MMRN1: variants seen among roughly 807,000 people sequenced by gnomAD.
The protein encoded by MMRN1 is multimerin 1.
MMRN1 carries 94 observed loss-of-function variants against 100.7 expected under a neutral mutation model. That is an observed-to-expected ratio of 0.93 (90% confidence interval 0.79 to 1.11). MMRN1 has a LOEUF of 1.11. Ranked by LOEUF, MMRN1 falls within the 50% of genes least tolerant of loss-of-function variation. The probability of loss-of-function intolerance (pLI) is 0.00; values close to 1 mark genes in which losing one functional copy is unlikely to be tolerated. For missense variants in MMRN1, 1,606 were observed against 1,439.1 expected, an observed-to-expected ratio of 1.12 and a Z score of -1.88; for synonymous variants, 575 against 505.0, an observed-to-expected ratio of 1.14 and a Z score of -1.86.
At chr4:89,931,851 T>C (rs1722449901) in intron 5 of MMRN1, among the ~76,000 whole-genome samples, 2 of 152,106 alleles carry the variant, frequency 1.3e-5, no homozygotes, top group African/African-American at 4.8e-5. Flanking sequence ...CAATTCAAAA[T>C]GAGATTTGGG....
upstream of MMRN1, among the ~76,000 whole-genome samples, chr4:89,893,746 A>G (rs1721106804): frequency 6.6e-6 from 1 of 152,102 alleles, no homozygotes; most frequent in Non-Finnish European, 1.5e-5. Context: ...AGTGCTTTGC[A>G]CAGAATGAGG....
rs1019225910 is a variant in MMRN1, at chr4:89,953,508, T to C, written c.*90T>C. 6.7e-6 allele frequency: 8 copies of C among 1,198,814 alleles called. No individual in the cohort carries two copies. Among genetic ancestry groups the C allele is most frequent in the Non-Finnish European group, 9.1e-6 (8 of 882,500 alleles). 74.3% of individuals were successfully genotyped at this position (1,198,814 alleles called of 1,614,324 possible). A position where few individuals can be genotyped will look rare whatever the true frequency, so the allele number is the denominator to read the frequency against. On this transcript the variant is annotated 3_prime_UTR_variant, in exon 8 of 8. Transcript: ENST00000264790. ...TTGCACATCTGCTCTGTTTTGGTTTTTCTACAGGAAATGAAAATCAACTTG... is the reference window on the plus strand; with the variant it reads ...TTGCACATCTGCTCTGTTTTGGTTTCTCTACAGGAAATGAAAATCAACTTG...
intron 2 of MMRN1, among the ~76,000 whole-genome samples, chr4:89,911,211 C>T (rs1025647778): frequency 6.6e-6 from 1 of 151,394 alleles, no homozygotes; most frequent in Admixed American, 6.6e-5. Context: ...CCAAATTGTA[C>T]TTATGACTTA....
Position 89,953,448 on chromosome 4 carries a change from A to T in MMRN1, c.*30A>T. ...GTATGAAAAACAGACTATCACCTTT[A>T]TTGAGAAACAGCCAGTGTTTTCATT... On this transcript the variant is annotated 3_prime_UTR_variant, in exon 8 of 8. Transcript: ENST00000264790. 1 of 1,529,756 alleles carries T rather than the reference A, an allele frequency of 6.5e-7. No individual in the cohort carries two copies. Among genetic ancestry groups the T allele is most frequent in the South Asian group, 1.3e-5 (1 of 76,236 alleles). The allele number at this position is 1,529,756 out of a possible 1,614,324, so 94.8% of individuals were successfully genotyped here.
intron 1 of MMRN1, among the ~76,000 whole-genome samples, chr4:89,886,529 G>A (rs1720940322): frequency 6.6e-6 from 1 of 151,992 alleles, no homozygotes; most frequent in Non-Finnish European, 1.5e-5. Flanking sequence ...GTTGTTGGAT[G>A]TTCTATGAAT....
At chr4:89,886,937 G>C (rs938301326) in intron 1 of MMRN1, among the ~76,000 whole-genome samples, 2 of 151,990 alleles carry the variant, frequency 1.3e-5, no homozygotes, top group African/African-American at 4.8e-5. Flanking sequence ...TTGTGCTACT[G>C]AACCTTATAT....
chr4:89,942,984 G>C lies in MMRN1; in HGVS notation c.3118+6186G>C, dbSNP rs578173554. Among the ~76,000 whole-genome samples the C allele has an allele frequency of 2.7e-3, 407 of 152,242 alleles. 3 individuals are homozygous for C. The highest frequency in any genetic ancestry group is 9.5e-3 in the African/African-American group (393 of 41,552). On this transcript the variant is annotated intron_variant, in intron 6 of 7. Coordinates refer to ENST00000264790, the MANE Select transcript of MMRN1 (RefSeq NM_007351.3). ...TTGCGTGGAAATTTAGATTTGAGAG[G>C]TATTGGCATGAAAATGGTGTTTGGA... is the stretch of plus-strand genomic sequence containing the variant.
chr4:89,936,306 T>C lies in MMRN1; in HGVS notation c.2626T>C (p.Tyr876His). The C allele has an allele frequency of 6.2e-7, 1 of 1,612,650 alleles. No homozygotes were observed. Among genetic ancestry groups the C allele is most frequent in the Non-Finnish European group, 8.5e-7 (1 of 1,179,490 alleles). Reference sequence around the variant, plus strand: ...TAAAGTTACCCAGACGCTCATACCTTATTATATTTCAGTTAAAAAAGGCAG... The same window carrying C: ...TAAAGTTACCCAGACGCTCATACCTCATTATATTTCAGTTAAAAAAGGCAG... ...ESKVTQTLIP[Y>H]YISVKKGSVV... The change falls in exon 6 of 8, where the codon TAT becomes CAT. Residue 876 changes from tyrosine (Y) to histidine (H), a missense_variant. Transcript: ENST00000264790.
intron 4 of MMRN1, among the ~76,000 whole-genome samples, chr4:89,925,155 A>G (rs1276024430): frequency 6.6e-6 from 1 of 150,974 alleles, no homozygotes; most frequent in East Asian, 2.0e-4. Flanking sequence ...TTATTTATTT[A>G]TTTTTAGAGA....
At chr4:89,907,313 A>C (rs1487462936) in intron 1 of MMRN1, among the ~76,000 whole-genome samples, 3 of 151,582 alleles carry the variant, frequency 2.0e-5, no homozygotes, top group Non-Finnish European at 4.4e-5. Context: ...TAAACATCAC[A>C]TTCAAAAGAA....
intron 1 of MMRN1, among the ~76,000 whole-genome samples, chr4:89,896,002 A>G (rs2110579529): frequency 6.6e-6 from 1 of 152,280 alleles, no homozygotes. Context: ...TGAAAATTGG[A>G]ATAGCAGTAT....
In MMRN1 at chr4:89,945,670, C is replaced by T. The variant is rs538065278; in HGVS notation, c.3119-5935C>T. On this transcript the variant is annotated intron_variant, in intron 6 of 7. Coordinates refer to ENST00000264790, the MANE Select transcript of MMRN1 (RefSeq NM_007351.3). Reference sequence around the variant, plus strand: ...TAAAGAAAAAGGATAAATCAGTTCACGATATCAAACAAAAACATTTAATTT... The same window carrying T: ...TAAAGAAAAAGGATAAATCAGTTCATGATATCAAACAAAAACATTTAATTT... Among the ~76,000 whole-genome samples, 46 of 152,086 alleles carry T rather than the reference C, an allele frequency of 3.0e-4. No homozygotes were observed. The South Asian group carries it at 4.8e-3, about 16-fold the overall frequency.
At chr4:89,893,777 C>A (rs749799292), upstream of MMRN1, among the ~76,000 whole-genome samples, 2 of 149,656 alleles carry the variant, frequency 1.3e-5, no homozygotes, top group Non-Finnish European at 2.9e-5. Context: ...CTACTGAATT[C>A]ATGAATACAT....
chr4:89,889,969 AAAGTCACTC>A (rs1721015179), upstream of MMRN1, among the ~76,000 whole-genome samples: 1 of 152,064 alleles, frequency 6.6e-6, no homozygotes, highest in Non-Finnish European at 1.5e-5. Context: ...CCTTTCCTCC[AAAGTCACTC>A]AGTGAAGACC....
chr4:89,884,638 T>G (rs558889773), intron 1 of MMRN1, among the ~76,000 whole-genome samples: 1 of 152,226 alleles, frequency 6.6e-6, no homozygotes, highest in Non-Finnish European at 1.5e-5. Flanking sequence ...AAAGCTGACA[T>G]TCCTTGGCTA....
intron 1 of MMRN1, among the ~76,000 whole-genome samples, chr4:89,907,338 T>C (rs981320415): frequency 1.3e-5 from 2 of 151,536 alleles, no homozygotes; most frequent in African/African-American, 4.8e-5. Flanking sequence ...ATAAGTTCTG[T>C]AGAGCTCAAT....
chr4:89,935,350 G>T lies in MMRN1; in HGVS notation c.1670G>T (p.Ser557Ile). Residue 557 changes from serine to isoleucine, a missense_variant, in exon 6 of 8, where the codon AGT becomes ATT. Ser to Ile is a moderately radical substitution (Grantham distance 142). Transcript: ENST00000264790. Reference protein sequence around the residue: ...STLHENIKKQSLMMLQMFEDL... With the variant: ...STLHENIKKQILMMLQMFEDL... ...TTACATGAAAATATAAAGAAGCAGAGTTTGATGATGCTGCAAATGTTTGAA... is the reference window on the plus strand; with the variant it reads ...TTACATGAAAATATAAAGAAGCAGATTTTGATGATGCTGCAAATGTTTGAA... 1.2e-6 allele frequency: 2 copies of T among 1,613,336 alleles called. No individual in the cohort carries two copies. The highest frequency in any genetic ancestry group is 1.7e-6 in the Non-Finnish European group (2 of 1,179,724).
chr4:89,935,809 A>G lies in MMRN1; in HGVS notation c.2129A>G (p.Asp710Gly), dbSNP rs142564089. ...NLLRNEVQGR[D>G]DALERRINEY... ...CTTAGAAATGAAGTACAGGGTCGTGATGATGCCTTAGAAAGACGTATCAAT... is the reference window on the plus strand; with the variant it reads ...CTTAGAAATGAAGTACAGGGTCGTGGTGATGCCTTAGAAAGACGTATCAAT... Residue 710 changes from aspartate (D) to glycine (G), a missense_variant, in exon 6 of 8, where the codon GAT (aspartate) becomes GGT (glycine). Transcript: ENST00000264790. The G allele has an allele frequency of 3.7e-6, 6 of 1,613,236 alleles. No individual in the cohort carries two copies. In the East Asian group the frequency reaches 1.3e-4, roughly 36 times the overall value.
intron 1 of MMRN1, among the ~76,000 whole-genome samples, chr4:89,883,977 C>T (rs1164882022): frequency 1.3e-5 from 2 of 151,998 alleles, no homozygotes; most frequent in Non-Finnish European, 2.9e-5. Context: ...GTTCCAGTAT[C>T]ATTATTTAAT....
Sources: allele counts gnomAD v4.1 joint callset (sites outside exome capture counted in the v4.1 genomes callset), GRCh38; gene constraint gnomAD v4.1.1; transcripts MANE v1.5; gene names NCBI Gene and HGNC (gene_info 2026-07-23, HGNC 2026-07-21).